Variants in STK32B observed in about 807,000 individuals in gnomAD.
STK32B encodes serine/threonine-protein kinase 32B.
In STK32B, 43 loss-of-function variants were observed where a neutral mutation model predicts 52.6. The observed-to-expected ratio is 0.82, with a 90% CI of 0.64 to 1.05. The LOEUF (loss-of-function observed/expected upper bound fraction) is 1.05, where lower values mean the gene tolerates loss of function less well. STK32B is among the 50% of genes least tolerant of loss of function. The pLI is 0.00. For missense variants in STK32B, 621 were observed against 534.6 expected (o/e 1.16, Z -1.59); for synonymous variants, 238 against 204.3 (o/e 1.17, Z -1.41).
At chr4:5,244,319 T>C (rs993867257) in intron 3 of STK32B, among the ~76,000 whole-genome samples, 123 of 152,068 alleles carry the variant, frequency 8.1e-4, no homozygotes, top group Non-Finnish European at 2.5e-4. Flanking sequence ...GTGTATGTGT[T>C]GAGGAATTTA....
intron 3 of STK32B, among the ~76,000 whole-genome samples, chr4:5,246,731 TG>T (rs1309019046): frequency 1.3e-5 from 2 of 152,226 alleles, no homozygotes; most frequent in Non-Finnish European, 2.9e-5. Flanking sequence ...TTGATGATGG[TG>T]ACATACATAC....
chr4:5,204,020 T>A (rs1722363680), intron 3 of STK32B: 1 of 152,278 alleles, frequency 6.6e-6, no homozygotes, highest in Non-Finnish European at 1.5e-5. Context: ...GCACCTGGTT[T>A]GATCAGGCTG....
chr4:5,127,275 C>A, intron 1 of STK32B: 2 of 410,894 alleles, frequency 4.9e-6, no homozygotes, highest in South Asian at 1.8e-5. Flanking sequence ...ACATTAAGTA[C>A]TTAAACAACT....
At chr4:5,323,877 A>T (rs951668789) in intron 3 of STK32B, among the ~76,000 whole-genome samples, 12 of 152,200 alleles carry the variant, frequency 7.9e-5, no homozygotes, top group Admixed American at 4.6e-4. Context: ...TAGGGCATCA[A>T]GCACAGAGTC....
intron 3 of STK32B, among the ~76,000 whole-genome samples, chr4:5,241,912 T>G (rs531375203): frequency 6.6e-6 from 1 of 152,210 alleles, no homozygotes; most frequent in African/African-American, 2.4e-5. Flanking sequence ...GAACTCATCA[T>G]TTTTTATGGC....
chr4:5,256,724 T>C (rs1726326381), intron 3 of STK32B, among the ~76,000 whole-genome samples: 1 of 152,222 alleles, frequency 6.6e-6, no homozygotes, highest in African/African-American at 2.4e-5. Flanking sequence ...TGTGTGTTCC[T>C]GAAGCCTTTT....
chr4:5,490,747 C>T (rs1719656894), intron 11 of STK32B, among the ~76,000 whole-genome samples: 1 of 152,034 alleles, frequency 6.6e-6, no homozygotes, highest in African/African-American at 2.4e-5. Flanking sequence ...CAACAGTCTC[C>T]AGAGTGTGAT....
rs896498451 is a variant in STK32B, at chr4:5,398,821, C to T, written c.472+577C>T. 6.6e-6 allele frequency among the ~76,000 whole-genome samples: 1 copy of T among 152,082 alleles called. No homozygotes were observed. Among genetic ancestry groups the T allele is most frequent in the Non-Finnish European group, 1.5e-5 (1 of 68,052 alleles). ...TTAGTAAGTCTGAGATGGGACTAGA[C>T]TCTGCAAAGTCCAGAGTCTGCAAAG... On this transcript the variant is annotated intron_variant, in intron 5 of 11. Transcript: ENST00000282908. This position sits in a 1 kb window ranked among gnomAD's most constrained non-coding sequence, Gnocchi z 4.9.
In STK32B at chr4:5,356,692, G is replaced by T. The variant is rs184868363; in HGVS notation, c.434+25299G>T. Among the ~76,000 whole-genome samples, 522 of 152,196 alleles carry T rather than the reference G, an allele frequency of 3.4e-3. 4 individuals are homozygous for T. Among genetic ancestry groups the T allele is most frequent in the Middle Eastern group, 0.027 (8 of 294 alleles). On this transcript the variant is annotated intron_variant, in intron 4 of 11. Transcript: ENST00000282908. ...TACCTATTATAGGTCTCAGCACACG[G>T]TAGGTGTTTAATAAGTGTATATTGC...
At chr4:5,353,022 A>G (rs1424900539) in intron 4 of STK32B, among the ~76,000 whole-genome samples, 1 of 152,172 alleles carries the variant, frequency 6.6e-6, no homozygotes, top group Non-Finnish European at 1.5e-5. Context: ...TAAGGCTATT[A>G]TAACCAAAAC....
intron 3 of STK32B, among the ~76,000 whole-genome samples, chr4:5,256,504 C>A (rs1254189772): frequency 6.6e-6 from 1 of 152,196 alleles, no homozygotes; most frequent in Non-Finnish European, 1.5e-5. Context: ...CCCACTGCTT[C>A]CCCTGTTGAG....
chr4:5,353,002 C>T (rs746164849), intron 4 of STK32B, among the ~76,000 whole-genome samples: 1 of 152,026 alleles, frequency 6.6e-6, no homozygotes, highest in African/African-American at 2.4e-5. Flanking sequence ...TAACTGACTT[C>T]AGAATATCAT....
At chr4:5,163,113 G>T (rs1718574224) in intron 2 of STK32B, among the ~76,000 whole-genome samples, 1 of 152,222 alleles carries the variant, frequency 6.6e-6, no homozygotes, top group Admixed American at 6.5e-5. Flanking sequence ...GGCCAGGGAA[G>T]CATTGAGGTC....
intron 1 of STK32B, among the ~76,000 whole-genome samples, chr4:5,091,748 C>A (rs1240320188): frequency 1.3e-5 from 2 of 152,142 alleles, no homozygotes; most frequent in Non-Finnish European, 2.9e-5. Flanking sequence ...AATAAGTATT[C>A]ACACAAAAAC....
chr4:5,316,472 C>T (rs1275011175), intron 3 of STK32B, among the ~76,000 whole-genome samples: 6 of 3,078 alleles, frequency 1.9e-3, no homozygotes, highest in Non-Finnish European at 2.3e-3. Flanking sequence ...ATATATATTA[C>T]ATATATAATA....
At chr4:5,305,576 A>C (rs972510059) in intron 3 of STK32B, among the ~76,000 whole-genome samples, 24 of 151,922 alleles carry the variant, frequency 1.6e-4, no homozygotes, top group Non-Finnish European at 3.1e-4. Context: ...AATTGAGCTT[A>C]TTTGGATCTC....
At chr4:5,055,819 A>G (rs1157143599) in intron 1 of STK32B, among the ~76,000 whole-genome samples, 2 of 151,188 alleles carry the variant, frequency 1.3e-5, no homozygotes, top group East Asian at 1.9e-4. Flanking sequence ...TTAGACTCTC[A>G]TTGACCACCC....
intron 4 of STK32B, among the ~76,000 whole-genome samples, chr4:5,375,130 C>G (rs1577412575): frequency 6.6e-6 from 1 of 152,260 alleles, no homozygotes; most frequent in East Asian, 1.9e-4. Flanking sequence ...TTCTGAAACT[C>G]CAGGCGCCCA....
chr4:5,159,184 T>C (rs2108719600), intron 2 of STK32B, among the ~76,000 whole-genome samples: 1 of 152,268 alleles, frequency 6.6e-6, no homozygotes, highest in East Asian at 1.9e-4. Context: ...GAGCTGTGCT[T>C]ACCAAGGGGG....
Sources: allele counts gnomAD v4.1 joint callset (sites outside exome capture counted in the v4.1 genomes callset), GRCh38; gene constraint gnomAD v4.1.1; non-coding constraint Gnocchi (gnomAD v3.1); transcripts MANE v1.5; gene names NCBI Gene and HGNC (gene_info 2026-07-23, HGNC 2026-07-21).